Variants in PCDH11X observed in about 807,000 individuals in gnomAD.
PCDH11X encodes the protein protocadherin 11 X-linked, also known as protocadherin-11 X-linked.
A neutral mutation model predicts 53.3 loss-of-function variants in PCDH11X; 18 were observed. The ratio of observed to expected loss-of-function variants is 0.34; its 90% CI spans 0.23 to 0.50. The LOEUF (loss-of-function observed/expected upper bound fraction) is 0.50, where lower values mean the gene tolerates loss of function less well. Among genes scored for constraint, PCDH11X ranks in the 20% least tolerant of loss-of-function variants. The probability of loss-of-function intolerance (pLI) is 0.98; values close to 1 mark genes in which losing one functional copy is unlikely to be tolerated. For missense variants in PCDH11X, 570 were observed against 1,032.4 expected, an observed-to-expected ratio of 0.55 and a Z score of 6.14; for synonymous variants, 279 against 393.3, an observed-to-expected ratio of 0.71 and a Z score of 3.44.
At position 92,467,549 on chromosome X, in the gene PCDH11X, C is replaced by T. The variant is rs2750695; in HGVS notation, c.3344-750C>T. 4.5e-5 allele frequency among the ~76,000 whole-genome samples: 5 copies of T among 111,013 alleles called. No individual in the cohort carries two copies. In the East Asian group the frequency reaches 1.4e-3, roughly 31 times the overall value. On this transcript the variant is annotated intron_variant, in intron 9 of 10. Coordinates refer to ENST00000682573, the MANE Select transcript of PCDH11X (RefSeq NM_032968.5). ...TCTGCCCAGATCAATACATATTTGG[C>T]TGTTTATAAACATACAATTATTTTG...
intron 8 of PCDH11X, among the ~76,000 whole-genome samples, chrX:92,273,960 G>C (rs921968857): frequency 9.1e-6 from 1 of 109,394 alleles, no homozygotes; most frequent in Non-Finnish European, 1.9e-5. Flanking sequence ...GGAGATATCA[G>C]CTGTGATGGC....
intron 6 of PCDH11X, among the ~76,000 whole-genome samples, chrX:91,974,944 G>A (rs1294059783): frequency 9.1e-6 from 1 of 110,087 alleles, no homozygotes; most frequent in Non-Finnish European, 1.9e-5. Context: ...TAGAGATGGG[G>A]TTTCTCCATG....
chrX:91,905,925 A>T (rs1011981778), intron 6 of PCDH11X, among the ~76,000 whole-genome samples: 5 of 111,885 alleles, frequency 4.5e-5, no homozygotes, highest in African/African-American at 1.6e-4. Context: ...AAACAGGTTT[A>T]TAATTCACTT....
chrX:92,578,614 A>G (rs1476154712), intron 10 of PCDH11X, among the ~76,000 whole-genome samples: 1 of 109,547 alleles, frequency 9.1e-6, no homozygotes, highest in African/African-American at 3.3e-5. Context: ...TTTTTTCTCT[A>G]TCCCTTTATT....
intron 1 of PCDH11X, among the ~76,000 whole-genome samples, chrX:91,783,650 G>A (rs978649702): frequency 9.0e-6 from 1 of 111,667 alleles, no homozygotes; most frequent in Non-Finnish European, 1.9e-5. Context: ...GCAAGGGGAG[G>A]CACATCGACA....
chrX:91,941,271 T>C (rs62607796), intron 6 of PCDH11X, among the ~76,000 whole-genome samples: 15,350 of 110,725 alleles, frequency 0.14, 846 homozygotes, highest in East Asian at 0.24. Context: ...TCTAAACACC[T>C]CAATTAAAAT....
chrX:92,101,233 C>T (rs1184753919), intron 6 of PCDH11X, among the ~76,000 whole-genome samples: 1 of 111,012 alleles, frequency 9.0e-6, no homozygotes, highest in Non-Finnish European at 1.9e-5. Flanking sequence ...TATGACTAGA[C>T]AGAAAATAGT....
chrX:92,278,063 A>G (rs1245516054), intron 8 of PCDH11X, among the ~76,000 whole-genome samples: 1 of 110,495 alleles, frequency 9.1e-6, no homozygotes, highest in African/African-American at 3.3e-5. Context: ...TTTTGGGTCC[A>G]TGGATAAAAC....
At chrX:92,339,240 C>T (rs1209054074) in intron 8 of PCDH11X, among the ~76,000 whole-genome samples, 1 of 111,780 alleles carries the variant, frequency 8.9e-6, no homozygotes, top group Non-Finnish European at 1.9e-5. Flanking sequence ...AATTAGACCG[C>T]CATCTGTCAC....
intron 10 of PCDH11X, among the ~76,000 whole-genome samples, chrX:92,532,177 G>A (rs1427668948): frequency 1.8e-5 from 2 of 111,359 alleles, no homozygotes; most frequent in Non-Finnish European, 3.8e-5. Context: ...GAGTTACCTA[G>A]AGAAGGAGAG....
At chrX:92,323,655 G>A (rs2148495769) in intron 8 of PCDH11X, among the ~76,000 whole-genome samples, 1 of 110,396 alleles carries the variant, frequency 9.1e-6, no homozygotes, top group East Asian at 2.8e-4. Flanking sequence ...CATGTGCCAT[G>A]CTGGTGTGCT....
chrX:92,023,631 T>C (rs2062925085), intron 6 of PCDH11X, among the ~76,000 whole-genome samples: 1 of 105,264 alleles, frequency 9.5e-6, no homozygotes, highest in Non-Finnish European at 2.0e-5. Context: ...TTCCAAACAA[T>C]TGTAAAGGAG....
intron 10 of PCDH11X, among the ~76,000 whole-genome samples, chrX:92,557,946 T>A (rs2075070858): frequency 9.1e-6 from 1 of 109,350 alleles, no homozygotes; most frequent in Non-Finnish European, 1.9e-5. Flanking sequence ...AGGCACTTTC[T>A]TCACAGGGTG....
chrX:92,212,301 A>G (rs1424640503), intron 7 of PCDH11X, among the ~76,000 whole-genome samples: 5 of 110,870 alleles, frequency 4.5e-5, no homozygotes. Flanking sequence ...CGTGAGTCAC[A>G]GTGCTTGACC....
chrX:92,444,371 GCA>G (rs1188000754), intron 9 of PCDH11X, among the ~76,000 whole-genome samples: 1 of 102,931 alleles, frequency 9.7e-6, no homozygotes, highest in Non-Finnish European at 2.0e-5. Context: ...ACTGATTTTT[GCA>G]CATTGATTTT....
intron 10 of PCDH11X, among the ~76,000 whole-genome samples, chrX:92,533,299 T>A (rs184045335): frequency 7.2e-5 from 8 of 111,074 alleles, no homozygotes; most frequent in African/African-American, 2.6e-4. Context: ...TCTAGGAAGT[T>A]GAGGTCTACC....
chrX:92,015,366 C>T (rs1213290450), intron 6 of PCDH11X, among the ~76,000 whole-genome samples: 4 of 111,791 alleles, frequency 3.6e-5, no homozygotes, highest in Non-Finnish European at 7.5e-5. Context: ...GTAAAGTTTG[C>T]TACATTGATT....
chrX:92,605,485 AT>A (rs928281294), intron 10 of PCDH11X, among the ~76,000 whole-genome samples: 6 of 111,598 alleles, frequency 5.4e-5, no homozygotes, highest in Non-Finnish European at 9.4e-5. Context: ...GGCAAAAAAA[AT>A]AAATAAATAA....
rs1297112032 is a variant in PCDH11X, at chrX:92,619,782, A to G, written c.*842A>G. The G allele has an allele frequency of 1.8e-5, 2 of 110,451 alleles. No individual in the cohort carries two copies. Among genetic ancestry groups the G allele is most frequent in the African/African-American group, 6.6e-5 (2 of 30,291 alleles). The allele number at this position is 110,451 out of a possible 1,213,427, so 9.1% of individuals were successfully genotyped here. ...CATTTTAAGCCTGTAGTCCATTATT[A>G]CTTGGGTCTTTACTTCTGGGAATTT... On this transcript the variant is annotated 3_prime_UTR_variant, in exon 11 of 11. Transcript: ENST00000682573.
Sources: gnomAD v4.1 joint callset for allele counts (sites outside exome capture counted in the v4.1 genomes callset) on GRCh38, gnomAD v4.1.1 for gene constraint, MANE v1.5 for transcripts, NCBI Gene and HGNC (gene_info 2026-07-23, HGNC 2026-07-21) for gene names.